TM9SF2: variants seen among roughly 807,000 people sequenced by gnomAD.
TM9SF2 encodes transmembrane 9 superfamily member 2.
A neutral mutation model predicts 84.9 loss-of-function variants in TM9SF2; 13 were observed. The ratio of observed to expected loss-of-function variants is 0.15; its 90% confidence interval spans 0.10 to 0.24. TM9SF2 has a LOEUF of 0.24. TM9SF2 is among the 10% of genes least tolerant of loss of function. The pLI is 1.00. For missense variants in TM9SF2, 562 were observed against 818.5 expected (o/e 0.69, Z 3.82); for synonymous variants, 273 against 285.8 (o/e 0.96, Z 0.45).
At chr13:99,525,438 T>C (rs1455406477) in intron 3 of TM9SF2, among the ~76,000 whole-genome samples, 1 of 151,998 alleles carries the variant, frequency 6.6e-6, no homozygotes, top group Non-Finnish European at 1.5e-5. Context: ...GACAGGGCTT[T>C]GCCATGTTGG....
chr13:99,523,112 A>G (rs967698706), intron 3 of TM9SF2, among the ~76,000 whole-genome samples: 3 of 152,344 alleles, frequency 2.0e-5, no homozygotes, highest in Non-Finnish European at 4.4e-5. Flanking sequence ...TGTATTGACC[A>G]ACATTTTTCA....
chr13:99,543,949 T>C lies in TM9SF2; in HGVS notation c.1104T>C (p.Phe368=), dbSNP rs551620742. Residue 368 remains phenylalanine, a synonymous_variant, in exon 10 of 17, where the codon TTT becomes TTC. Coordinates refer to ENST00000376387, the MANE Select transcript of TM9SF2 (RefSeq NM_004800.3). ...GAAAAGGGATGCTGCTATCAGTCTT[T>C]CTAGGATCCGGGACACAGATTTTAA... ...PPRKGMLLSV[F]LGSGTQILIM... 1.2e-6 allele frequency: 2 copies of C among 1,614,188 alleles called. No individual in the cohort carries two copies. The highest frequency in any genetic ancestry group is 2.2e-5 in the South Asian group (2 of 91,082).
chr13:99,551,230 GGAAATTTGCCATGTTTCTTAAT>G (rs2046304434), intron 12 of TM9SF2, among the ~76,000 whole-genome samples: 1 of 152,166 alleles, frequency 6.6e-6, no homozygotes, highest in Non-Finnish European at 1.5e-5. Context: ...CGAAAGAGAT[GGAAATTTGCCATGTTTCTTAAT>G]GAAAAGATCA....
chr13:99,562,361 G>A (rs536734449), intron 16 of TM9SF2, among the ~76,000 whole-genome samples: 6 of 152,260 alleles, frequency 3.9e-5, no homozygotes, highest in African/African-American at 1.4e-4. Context: ...TTCTAGTAGC[G>A]TTTTCCATTT....
At chr13:99,555,692 C>T (rs1332538382) in intron 15 of TM9SF2, 45 bp downstream of exon 15, 1 of 1,327,104 alleles carries the variant, frequency 7.5e-7, no homozygotes, top group African/African-American at 1.5e-5. Flanking sequence ...TAGACAGTAA[C>T]TTTGGCATAT....
chr13:99,558,953 C>A (rs1227787283), intron 15 of TM9SF2, among the ~76,000 whole-genome samples: 1 of 152,156 alleles, frequency 6.6e-6, no homozygotes, highest in Non-Finnish European at 1.5e-5. Context: ...TCCAACCAGG[C>A]CTTAGTAGAA....
chr13:99,522,829 A>G (rs1469985021), intron 3 of TM9SF2, among the ~76,000 whole-genome samples: 1 of 152,178 alleles, frequency 6.6e-6, no homozygotes, highest in African/African-American at 2.4e-5. Flanking sequence ...CATTGGGCAC[A>G]TTTCTGTTTC....
chr13:99,543,830 G>T, intron 9 of TM9SF2, 33 bp from the exon 10 acceptor site: 1 of 1,610,354 alleles, frequency 6.2e-7, no homozygotes, highest in Non-Finnish European at 8.5e-7. Context: ...TTGATACCAT[G>T]AGACAATCGA....
intron 5 of TM9SF2, 55 bp from the exon 6 acceptor site, chr13:99,537,684 T>A (rs973389579): frequency 1.4e-6 from 2 of 1,452,894 alleles, no homozygotes; most frequent in Non-Finnish European, 1.8e-6. Context: ...AGTTTTAAGT[T>A]TTGACTCTTA....
intron 3 of TM9SF2, among the ~76,000 whole-genome samples, chr13:99,521,648 A>G (rs535839452): frequency 6.6e-6 from 1 of 152,296 alleles, no homozygotes; most frequent in African/African-American, 2.4e-5. Context: ...TGCAAATTTA[A>G]TCCACTACAA....
intron 12 of TM9SF2, 39 bp downstream of exon 12, chr13:99,549,261 T>G (rs1465032642): frequency 1.3e-6 from 2 of 1,552,834 alleles, no homozygotes; most frequent in Non-Finnish European, 1.8e-6. Context: ...TTAACATAGT[T>G]ACATGTTAGT....
chr13:99,543,744 C>T (rs2139100847), intron 9 of TM9SF2, 119 bp from the exon 10 acceptor site: 1 of 1,341,640 alleles, frequency 7.5e-7, no homozygotes, highest in Non-Finnish European at 1.0e-6. Context: ...TAGGTACTAA[C>T]ATTTTTAAGT....
intron 1 of TM9SF2, among the ~76,000 whole-genome samples, chr13:99,505,243 C>T (rs1198107064): frequency 6.6e-6 from 1 of 150,948 alleles, no homozygotes; most frequent in African/African-American, 2.4e-5. Context: ...ACCTCCACCT[C>T]CTGAGTTTAA....
intron 1 of TM9SF2, among the ~76,000 whole-genome samples, chr13:99,507,062 C>T (rs1001009556): frequency 3.3e-5 from 5 of 152,170 alleles, no homozygotes; most frequent in South Asian, 2.1e-4. Context: ...ATGGTAAAGA[C>T]TACGATTTGT....
At chr13:99,552,591 ACATTCATTCATT>A (rs34121466) in intron 13 of TM9SF2, among the ~76,000 whole-genome samples, 2 of 151,028 alleles carry the variant, frequency 1.3e-5, no homozygotes, top group African/African-American at 2.4e-5. Context: ...ACTAATGAAA[ACATTCATTCATT>A]CATTCATTCA....
intron 16 of TM9SF2, 137 bp from the exon 17 acceptor site, chr13:99,562,554 C>A: frequency 4.4e-6 from 3 of 677,040 alleles, no homozygotes; most frequent in Non-Finnish European, 4.8e-6. Context: ...GCTCATAGAT[C>A]TGTAGTATAT....
rs554593232 is a variant in TM9SF2, at chr13:99,513,886, G to A, written c.172-3728G>A. ...CGGCTGCTTTTGCACTACGGCAGTGGCAGAGACCCAATGTCCTGTAAAGCC... is the reference window on the plus strand; with the variant it reads ...CGGCTGCTTTTGCACTACGGCAGTGACAGAGACCCAATGTCCTGTAAAGCC... On this transcript the variant is annotated intron_variant, in intron 1 of 16. Coordinates refer to ENST00000376387, the MANE Select transcript of TM9SF2 (RefSeq NM_004800.3). Among the ~76,000 whole-genome samples the A allele has an allele frequency of 1.4e-4, 20 of 147,368 alleles. No homozygotes were observed. In the East Asian group the frequency reaches 4.0e-3, roughly 29 times the overall value.
chr13:99,562,860 AGTAATCCTTCAGAAACACC>A lies in TM9SF2; in HGVS notation c.*108_*126del. 1 of 1,123,648 alleles carries A rather than the reference AGTAATCCTTCAGAAACACC, an allele frequency of 8.9e-7. No individual in the cohort carries two copies. The highest frequency in any genetic ancestry group is 2.2e-5 in the Admixed American group (1 of 46,476). The allele number at this position is 1,123,648 out of a possible 1,614,324, so 69.6% of individuals were successfully genotyped here. ...TGAGTTTTATCAGAATTATTGGCCT[AGTAATCCTTCAGAAACACC>A]GTAATTCTAAATAAACCTCTTCCCA... is the stretch of plus-strand genomic sequence containing the variant. On this transcript the variant is annotated 3_prime_UTR_variant, in exon 17 of 17. Coordinates refer to ENST00000376387, the MANE Select transcript of TM9SF2 (RefSeq NM_004800.3).
chr13:99,507,821 C>A (rs999437679), intron 1 of TM9SF2, among the ~76,000 whole-genome samples: 21 of 152,186 alleles, frequency 1.4e-4, no homozygotes, highest in Admixed American at 4.6e-4. Context: ...CATCTCTTCA[C>A]TGAAATTTCT....
Sources: allele counts gnomAD v4.1 joint callset (sites outside exome capture counted in the v4.1 genomes callset), GRCh38; gene constraint gnomAD v4.1.1; transcripts MANE v1.5; gene names NCBI Gene and HGNC (gene_info 2026-07-23, HGNC 2026-07-21).